The following TRIM14 variants were observed in gnomAD, a reference collection of about 807,000 sequenced individuals.
TRIM14 encodes the protein tripartite motif containing 14.
A neutral mutation model predicts 44.5 loss-of-function variants in TRIM14; 28 were observed. The ratio of observed to expected loss-of-function variants is 0.63; its 90% CI spans 0.47 to 0.86. The LOEUF (loss-of-function observed/expected upper bound fraction) is 0.86. Among genes scored for constraint, TRIM14 ranks in the 40% least tolerant of loss-of-function variants. TRIM14 has a pLI of 0.00. For synonymous variants in TRIM14, 299 were observed against 269.2 expected (o/e 1.11, Z -1.08); for missense variants, 607 against 611.1 (o/e 0.99, Z 0.07).
the TRIM14 span, among the ~76,000 whole-genome samples, chr9:98,044,319 C>T: frequency 1.3e-5 from 2 of 151,514 alleles, no homozygotes; most frequent in African/African-American, 4.8e-5. Flanking sequence ...ATGTGGCCCC[C>T]GGTCACCCAG....
At chr9:98,093,971 C>T (rs1310223647) in intron 4 of TRIM14, among the ~76,000 whole-genome samples, 1 of 152,142 alleles carries the variant, frequency 6.6e-6, no homozygotes, top group Non-Finnish European at 1.5e-5. Context: ...GTCTCAAACT[C>T]CTGACCTCAT....
At chr9:98,071,987 T>A (rs1157903786) in intron 6 of TRIM14, among the ~76,000 whole-genome samples, 1 of 151,784 alleles carries the variant, frequency 6.6e-6, no homozygotes, top group Non-Finnish European at 1.5e-5. Context: ...TAGGGAGGAG[T>A]CTGGTGTTTG....
intron 6 of TRIM14, chr9:98,076,433 G>C (rs1260109970): frequency 6.4e-6 from 1 of 156,656 alleles, no homozygotes; most frequent in Admixed American, 6.5e-5. Flanking sequence ...GGAGTGCAGT[G>C]GCATGATCTC....
intron 6 of TRIM14, among the ~76,000 whole-genome samples, chr9:98,074,289 C>T (rs960709446): frequency 6.6e-6 from 1 of 152,148 alleles, no homozygotes; most frequent in African/African-American, 2.4e-5. Context: ...TCCCTTCAGA[C>T]TCCCACAGAC....
chr9:98,050,378 C>T, the TRIM14 span, among the ~76,000 whole-genome samples: 5 of 152,286 alleles, frequency 3.3e-5, no homozygotes, highest in East Asian at 7.7e-4. Context: ...TTGAAACCCA[C>T]TGGGAAACAG....
At chr9:98,103,089 G>A (rs1320932389) in intron 2 of TRIM14, among the ~76,000 whole-genome samples, 1 of 151,980 alleles carries the variant, frequency 6.6e-6, no homozygotes, top group East Asian at 1.9e-4. Flanking sequence ...AGGAGGCTGG[G>A]GCAAAGAATT....
intron 2 of TRIM14, among the ~76,000 whole-genome samples, chr9:98,101,774 A>T (rs1466395976): frequency 6.6e-6 from 1 of 152,132 alleles, no homozygotes; most frequent in Non-Finnish European, 1.5e-5. Context: ...TACTTTACTT[A>T]TATCCTAGAA....
chr9:98,080,678 CAG>C, downstream of TRIM14: 1 of 896,464 alleles, frequency 1.1e-6, no homozygotes. Context: ...AAGAGAGGCT[CAG>C]AGAGCCTCAG....
chr9:98,077,364 CTTTT>C (rs761846510), intron 6 of TRIM14, among the ~76,000 whole-genome samples: 5 of 150,296 alleles, frequency 3.3e-5, no homozygotes, highest in Admixed American at 6.6e-5. Context: ...TTTAGAAATT[CTTTT>C]TAAGAATTTT....
the TRIM14 span, among the ~76,000 whole-genome samples, chr9:98,048,915 G>C: frequency 6.6e-6 from 1 of 151,906 alleles, no homozygotes; most frequent in Non-Finnish European, 1.5e-5. Context: ...CAGCTACCTG[G>C]GAGGCGAGAC....
chr9:98,042,803 G>A, the TRIM14 span, among the ~76,000 whole-genome samples: 1 of 151,780 alleles, frequency 6.6e-6, no homozygotes, highest in East Asian at 1.9e-4. Flanking sequence ...CTGGGAGATG[G>A]AGGTTGCAGT....
rs374391155 is a variant in TRIM14, at chr9:98,094,843, A to G, written c.700+24T>C. Reference sequence around the variant, plus strand: ...AGGACACTAGGGGAGTTAAGGACACAAAGTTGGTCACTCGGCGACTTACTT... The same window carrying G: ...AGGACACTAGGGGAGTTAAGGACACGAAGTTGGTCACTCGGCGACTTACTT... On this transcript the variant is annotated intron_variant, in intron 4 of 5. Coordinates refer to ENST00000341469, the MANE Select transcript of TRIM14 (RefSeq NM_014788.4). The G allele has an allele frequency of 1.9e-6, 3 of 1,609,830 alleles. No homozygotes were observed. In the African/African-American group the frequency reaches 4.0e-5, roughly 21 times the overall value.
In TRIM14 at chr9:98,087,569, G is replaced by C. The variant is rs1564171887; in HGVS notation, c.1230C>G (p.Gly410=). The C allele has an allele frequency of 6.3e-7, 1 of 1,596,892 alleles. No individual in the cohort carries two copies. The highest frequency in any genetic ancestry group is 1.1e-5 in the South Asian group (1 of 89,616). Residue 410 remains glycine (G), a synonymous_variant, in exon 6 of 6, where the codon GGC becomes GGG. Coordinates refer to ENST00000341469, the MANE Select transcript of TRIM14 (RefSeq NM_014788.4). Reference sequence around the variant, plus strand: ...CGCGGAAGGTATGCAGGTGGCTCATGCCGCCCGTCACGTCGTAGAAGGCGA... The same window carrying C: ...CGCGGAAGGTATGCAGGTGGCTCATCCCGCCCGTCACGTCGTAGAAGGCGA... The part of the protein sequence containing the change: ...GVLAFYDVTG[G]MSHLHTFRAT...
At chr9:98,064,499 G>T (rs187071020), downstream of TRIM14, among the ~76,000 whole-genome samples, 2 of 151,888 alleles carry the variant, frequency 1.3e-5, no homozygotes, top group African/African-American at 2.4e-5. Flanking sequence ...TCAGTGATCC[G>T]CCTGCCTCGG....
chr9:98,041,154 G>A, the TRIM14 span, among the ~76,000 whole-genome samples: 2 of 151,992 alleles, frequency 1.3e-5, no homozygotes, highest in Admixed American at 6.6e-5. Context: ...TAAATAATGA[G>A]CTCTAGGATG....
rs908809962 is a variant in TRIM14 at position 98,086,003 on chromosome 9, C to G, written c.*1467G>C. 1 of 152,274 alleles carries G rather than the reference C, an allele frequency of 6.6e-6. No homozygotes were observed. Among genetic ancestry groups the G allele is most frequent in the Non-Finnish European group, 1.5e-5 (1 of 68,096 alleles). 9.4% of individuals were successfully genotyped at this position (152,274 alleles called of 1,614,324 possible). ...CAAATCCCTGGAAAGAAGCCTCCCACTCCCTGCTAGCGAAGGTGGCCTCCT... is the reference window on the plus strand; with the variant it reads ...CAAATCCCTGGAAAGAAGCCTCCCAGTCCCTGCTAGCGAAGGTGGCCTCCT... On this transcript the variant is annotated 3_prime_UTR_variant, in exon 6 of 6. Coordinates refer to ENST00000341469, the MANE Select transcript of TRIM14 (RefSeq NM_014788.4).
At chr9:98,040,397 C>A in the TRIM14 span, among the ~76,000 whole-genome samples, 2 of 152,122 alleles carry the variant, frequency 1.3e-5, 1 homozygote, top group South Asian at 4.2e-4. Context: ...CTGGACTGCT[C>A]GGGGCCTTTG....
chr9:98,093,682 T>C (rs1354488283), intron 4 of TRIM14, among the ~76,000 whole-genome samples: 1 of 152,152 alleles, frequency 6.6e-6, no homozygotes, highest in Non-Finnish European at 1.5e-5. Flanking sequence ...CAACTGCTTA[T>C]ATAAAACAGC....
chr9:98,038,533 A>G, the TRIM14 span, among the ~76,000 whole-genome samples: 1 of 152,144 alleles, frequency 6.6e-6, no homozygotes. Context: ...CTTTACTGAA[A>G]ATTTTTATTT....
Sources: gnomAD v4.1 joint callset for allele counts (sites outside exome capture counted in the v4.1 genomes callset) on GRCh38, gnomAD v4.1.1 for gene constraint, MANE v1.5 for transcripts, NCBI Gene and HGNC (gene_info 2026-07-23, HGNC 2026-07-21) for gene names.